CLDN22: variants seen among roughly 807,000 people sequenced by gnomAD.
The protein encoded by CLDN22 is claudin-22.
For missense variants in CLDN22, 227 were observed against 252.2 expected (o/e 0.90, Z 0.68); for synonymous variants, 86 against 107.9 (o/e 0.80, Z 1.26).
chr4:183,319,843 A>T lies in CLDN22; in HGVS notation c.376T>A (p.Ser126Thr). The T allele has an allele frequency of 6.2e-7, 1 of 1,613,960 alleles. No homozygotes were observed. Among genetic ancestry groups the T allele is most frequent in the Non-Finnish European group, 8.5e-7 (1 of 1,179,870 alleles). ...RRLLILGGIL[S>T]WASGVTALVP... ...AGGGCTGTGACTCCCGAGGCCCAGG[A>T]CAGAATTCCTCCCAGGATCAGCAGT... Residue 126 changes from serine to threonine, a missense_variant, in exon 1 of 1, where the codon TCC becomes ACC. By Grantham distance (58) the Ser-to-Thr change is moderately conservative. Coordinates refer to ENST00000323319, the MANE Select transcript of CLDN22 (RefSeq NM_001111319.3).
rs577134099 is a variant in CLDN22, at chr4:183,319,951, G to C, written c.268C>G (p.Leu90Val). 1 of 1,613,486 alleles carries C rather than the reference G, an allele frequency of 6.2e-7. No individual in the cohort carries two copies. Among genetic ancestry groups the C allele is most frequent in the Non-Finnish European group, 8.5e-7 (1 of 1,179,638 alleles). ...SRILMFLSNG[L>V]GFLGLLVSGF... ...GAGACCAGCAGGCCCAGAAATCCCA[G>C]CCCATTTGACAGAAACATTAAGATC... The change falls in exon 1 of 1, where the codon CTG becomes GTG. Residue 90 changes from leucine (L) to valine (V), a missense_variant. Coordinates refer to ENST00000323319, the MANE Select transcript of CLDN22 (RefSeq NM_001111319.3).
Position 183,318,487 on chromosome 4 carries a change from G to GTT in CLDN22, c.*1067_*1068dup, listed in dbSNP as rs34933952. On this transcript the variant is annotated 3_prime_UTR_variant, in exon 1 of 1. Coordinates refer to ENST00000323319, the MANE Select transcript of CLDN22 (RefSeq NM_001111319.3). The stretch of plus-strand genomic sequence containing the variant: ...TTTGTGGGTGGAAAAAAATTCAGTG[G>GTT]TTTTTTTTAAAAAAAAAAGCAAAAA... The GTT allele has an allele frequency of 0.056, 8,355 of 149,930 alleles. 340 individuals are homozygous for GTT. Among genetic ancestry groups the GTT allele is most frequent in the Middle Eastern group, 0.086 (25 of 292 alleles). The allele number at this position is 149,930 out of a possible 1,614,324, so 9.3% of individuals were successfully genotyped here. A position where few individuals can be genotyped will look rare whatever the true frequency, so the allele number is the denominator to read the frequency against.
Position 183,319,580 on chromosome 4 carries a change from C to T in CLDN22, c.639G>A (p.Thr213=), listed in dbSNP as rs772319025. The T allele has an allele frequency of 2.9e-5, 47 of 1,612,484 alleles. No individual in the cohort carries two copies. Among genetic ancestry groups the T allele is most frequent in the Middle Eastern group, 1.6e-4 (1 of 6,074 alleles). The change falls in exon 1 of 1, where the codon ACG becomes ACA. Residue 213 remains threonine (T), a synonymous_variant. Coordinates refer to ENST00000323319, the MANE Select transcript of CLDN22 (RefSeq NM_001111319.3). ...CTTAGTGTTTCAGGTTGGTGTTTCT[C>T]GTCTCCAGTTCTTGATGATGATCTT... ...QTQDHHQELE[T]RNTNLKH is the part of the protein sequence containing the mutation.
chr4:183,319,951 G>T lies in CLDN22; in HGVS notation c.268C>A (p.Leu90Met), dbSNP rs577134099. The change falls in exon 1 of 1, where the codon CTG becomes ATG. Residue 90 changes from leucine to methionine, a missense_variant. Transcript: ENST00000323319. Reference sequence around the variant, plus strand: ...GAGACCAGCAGGCCCAGAAATCCCAGCCCATTTGACAGAAACATTAAGATC... The same window carrying T: ...GAGACCAGCAGGCCCAGAAATCCCATCCCATTTGACAGAAACATTAAGATC... ...SRILMFLSNG[L>M]GFLGLLVSGF... The T allele has an allele frequency of 1.1e-5, 17 of 1,613,368 alleles. No homozygotes were observed. The highest frequency in any genetic ancestry group is 6.7e-5 in the Admixed American group (4 of 59,920).
In CLDN22 at chr4:183,319,072, A is replaced by G. The variant is rs537913375; in HGVS notation, c.*484T>C. 132 of 153,880 alleles carry G rather than the reference A, an allele frequency of 8.6e-4. No individual in the cohort carries two copies. Among genetic ancestry groups the G allele is most frequent in the Non-Finnish European group, 1.6e-3 (112 of 69,202 alleles). The allele number at this position is 153,880 out of a possible 1,614,324, so 9.5% of individuals were successfully genotyped here. A position where few individuals can be genotyped will look rare whatever the true frequency, so the allele number is the denominator to read the frequency against. ...ACTGAGGTCTCTGATTCAGAAGGAG[A>G]TGATGTGTCTACACCTTTCACCTCT... On this transcript the variant is annotated 3_prime_UTR_variant, in exon 1 of 1. Transcript: ENST00000323319.
Position 183,319,541 on chromosome 4 carries a change from C to T in CLDN22, c.*15G>A. On this transcript the variant is annotated 3_prime_UTR_variant, in exon 1 of 1. Coordinates refer to ENST00000323319, the MANE Select transcript of CLDN22 (RefSeq NM_001111319.3). ...GCAAGCGTCTCCTGAACAGCAGACG[C>T]TTGTCCTTTCTGGCTTAGTGTTTCA... 1.3e-6 allele frequency: 2 copies of T among 1,598,150 alleles called. No homozygotes were observed. Among genetic ancestry groups the T allele is most frequent in the Non-Finnish European group, 1.7e-6 (2 of 1,172,194 alleles).
chr4:183,320,012 G>A lies in CLDN22; in HGVS notation c.207C>T (p.Ser69=), dbSNP rs1203692622. 1 of 1,613,782 alleles carries A rather than the reference G, an allele frequency of 6.2e-7. No individual in the cohort carries two copies. The highest frequency in any genetic ancestry group is 1.3e-5 in the African/African-American group (1 of 74,866). ...EVGMQCKDFD[S]FLALPAELRV... Reference sequence around the variant, plus strand: ...TGAGTTCAGCAGGCAAAGCCAGGAAGGAGTCAAAGTCCTTGCATTGCATCC... The same window carrying A: ...TGAGTTCAGCAGGCAAAGCCAGGAAAGAGTCAAAGTCCTTGCATTGCATCC... The change falls in exon 1 of 1, where the codon TCC becomes TCT. Residue 69 remains serine (S), a synonymous_variant. Transcript: ENST00000323319.
rs1416145610 is a variant in CLDN22, at chr4:183,318,292, A to C, written c.*1264T>G. ...TGTAGCATGCAAATCAAATAAATTAAAATTTTTTGCTATTGCTTTATCTAT... is the reference window on the plus strand; with the variant it reads ...TGTAGCATGCAAATCAAATAAATTACAATTTTTTGCTATTGCTTTATCTAT... On this transcript the variant is annotated 3_prime_UTR_variant, in exon 1 of 1. Coordinates refer to ENST00000323319, the MANE Select transcript of CLDN22 (RefSeq NM_001111319.3). 2.0e-5 allele frequency: 3 copies of C among 152,622 alleles called. No individual in the cohort carries two copies. Among genetic ancestry groups the C allele is most frequent in the Non-Finnish European group, 4.4e-5 (3 of 68,032 alleles). 9.5% of individuals were successfully genotyped at this position (152,622 alleles called of 1,614,324 possible).
In CLDN22 at chr4:183,320,068, A is replaced by G. The variant is rs1248383534; in HGVS notation, c.151T>C (p.Trp51Arg). The change falls in exon 1 of 1, where the codon TGG (tryptophan) becomes CGG (arginine). Residue 51 changes from tryptophan to arginine, a missense_variant. Coordinates refer to ENST00000323319, the MANE Select transcript of CLDN22 (RefSeq NM_001111319.3). ...NEMENWTMGL[W>R]QTCVIQEEVG... is the part of the protein sequence containing the mutation. ...TCCTCTTGGATGACACAGGTTTGCC[A>G]GAGTCCCATGGTCCAGTTTTCCATT... 6.2e-7 allele frequency: 1 copy of G among 1,614,148 alleles called. No homozygotes were observed. The highest frequency in any genetic ancestry group is 8.5e-7 in the Non-Finnish European group (1 of 1,180,028).
chr4:183,319,563 T>A lies in CLDN22; in HGVS notation c.656A>T (p.Lys219Ile), dbSNP rs964556368. ...QELETRNTNLKH is the reference protein window; with the variant it reads ...QELETRNTNLIH The stretch of plus-strand genomic sequence containing the variant: ...ACGCTTGTCCTTTCTGGCTTAGTGT[T>A]TCAGGTTGGTGTTTCTCGTCTCCAG... Residue 219 changes from lysine to isoleucine, a missense_variant, in exon 1 of 1, where the codon AAA (lysine) becomes ATA (isoleucine). Coordinates refer to ENST00000323319, the MANE Select transcript of CLDN22 (RefSeq NM_001111319.3). 1 of 1,609,784 alleles carries A rather than the reference T, an allele frequency of 6.2e-7. No homozygotes were observed. Among genetic ancestry groups the A allele is most frequent in the African/African-American group, 1.3e-5 (1 of 74,734 alleles).
rs894014788 is a variant in CLDN22, at chr4:183,320,024, C to T, written c.195G>A (p.Lys65=). The T allele has an allele frequency of 1.2e-6, 2 of 1,613,882 alleles. No homozygotes were observed. Among genetic ancestry groups the T allele is most frequent in the African/African-American group, 2.7e-5 (2 of 74,900 alleles). The change falls in exon 1 of 1, where the codon AAG becomes AAA. Residue 65 remains lysine, a synonymous_variant. Coordinates refer to ENST00000323319, the MANE Select transcript of CLDN22 (RefSeq NM_001111319.3). ...VIQEEVGMQC[K]DFDSFLALPA... is the part of the protein sequence containing the mutation. ...GCAAAGCCAGGAAGGAGTCAAAGTC[C>T]TTGCATTGCATCCCCACTTCCTCTT...
Position 183,319,267 on chromosome 4 carries a change from A to G in CLDN22, c.*289T>C, listed in dbSNP as rs543185073. On this transcript the variant is annotated 3_prime_UTR_variant, in exon 1 of 1. Transcript: ENST00000323319. ...ATATGAATAATACCTTCAAAGATAC[A>G]TAGAGATTAATGTTTTATTTACCAC... The G allele has an allele frequency of 1.3e-5, 4 of 313,826 alleles. No individual in the cohort carries two copies. The highest frequency in any genetic ancestry group is 6.3e-5 in the African/African-American group (3 of 47,260). 19.4% of individuals were successfully genotyped at this position (313,826 alleles called of 1,614,324 possible). A position where few individuals can be genotyped will look rare whatever the true frequency, so the allele number is the denominator to read the frequency against.
chr4:183,319,426 G>T lies in CLDN22; in HGVS notation c.*130C>A. 1 of 1,028,402 alleles carries T rather than the reference G, an allele frequency of 9.7e-7. No homozygotes were observed. The highest frequency in any genetic ancestry group is 1.4e-6 in the Non-Finnish European group (1 of 700,698). 63.7% of individuals were successfully genotyped at this position (1,028,402 alleles called of 1,614,324 possible). A position where few individuals can be genotyped will look rare whatever the true frequency, so the allele number is the denominator to read the frequency against. The stretch of plus-strand genomic sequence containing the variant: ...TTACCAGTCTTGGAAAGAAACTATA[G>T]TTTAATAGCCACAGGAAAAGATGCA... On this transcript the variant is annotated 3_prime_UTR_variant, in exon 1 of 1. Transcript: ENST00000323319.
chr4:183,319,517 C>A lies in CLDN22; in HGVS notation c.*39G>T. 1.3e-6 allele frequency: 2 copies of A among 1,546,016 alleles called. No individual in the cohort carries two copies. Among genetic ancestry groups the A allele is most frequent in the South Asian group, 1.3e-5 (1 of 79,064 alleles). On this transcript the variant is annotated 3_prime_UTR_variant, in exon 1 of 1. Coordinates refer to ENST00000323319, the MANE Select transcript of CLDN22 (RefSeq NM_001111319.3). ...ACATCCTACCAAATCCAGTGTTGAGCAAGCGTCTCCTGAACAGCAGACGCT... is the reference window on the plus strand; with the variant it reads ...ACATCCTACCAAATCCAGTGTTGAGAAAGCGTCTCCTGAACAGCAGACGCT...
In CLDN22 at chr4:183,319,123, T is replaced by C. The variant is rs755139832; in HGVS notation, c.*433A>G. 1.2e-5 allele frequency: 2 copies of C among 160,182 alleles called. No individual in the cohort carries two copies. The allele number at this position is 160,182 out of a possible 1,614,324, so 9.9% of individuals were successfully genotyped here. On this transcript the variant is annotated 3_prime_UTR_variant, in exon 1 of 1. Transcript: ENST00000323319. ...GAAGCTTCTAAAGAGCTAGTAATTA[T>C]TTTATATAATAAGACGTCATGCATT...
rs1281800937 is a variant in CLDN22, at chr4:183,318,105, T to G, written c.*1451A>C. 6.6e-6 allele frequency: 1 copy of G among 152,228 alleles called. No homozygotes were observed. Among genetic ancestry groups the G allele is most frequent in the Non-Finnish European group, 1.5e-5 (1 of 68,024 alleles). The allele number at this position is 152,228 out of a possible 1,614,324, so 9.4% of individuals were successfully genotyped here. Reference sequence around the variant, plus strand: ...AATTTTAATATTATAAATACTATTTTTAAAAGGTAGAATTTATTCGCACAG... The same window carrying G: ...AATTTTAATATTATAAATACTATTTGTAAAAGGTAGAATTTATTCGCACAG... On this transcript the variant is annotated 3_prime_UTR_variant, in exon 1 of 1. Coordinates refer to ENST00000323319, the MANE Select transcript of CLDN22 (RefSeq NM_001111319.3).
In CLDN22 at chr4:183,319,508, A is replaced by G; in HGVS notation, c.*48T>C. ...TAGAGCGGGACATCCTACCAAATCC[A>G]GTGTTGAGCAAGCGTCTCCTGAACA... On this transcript the variant is annotated 3_prime_UTR_variant, in exon 1 of 1. Transcript: ENST00000323319. 3 of 1,521,718 alleles carry G rather than the reference A, an allele frequency of 2.0e-6. No individual in the cohort carries two copies. Among genetic ancestry groups the G allele is most frequent in the South Asian group, 2.6e-5 (2 of 76,996 alleles). The allele number at this position is 1,521,718 out of a possible 1,614,324, so 94.3% of individuals were successfully genotyped here.
chr4:183,319,757 T>A lies in CLDN22; in HGVS notation c.462A>T (p.Pro154=). Reference sequence around the variant, plus strand: ...CAAACTCCCACCTGGGGACAAAGTCTGGGACGTTCTCATCCCAGAACTCCT... The same window carrying A: ...CAAACTCCCACCTGGGGACAAAGTCAGGGACGTTCTCATCCCAGAACTCCT... ...TVQEFWDENV[P]DFVPRWEFGE... Residue 154 remains proline, a synonymous_variant, in exon 1 of 1, where the codon CCA becomes CCT. Transcript: ENST00000323319. 1 of 1,613,976 alleles carries A rather than the reference T, an allele frequency of 6.2e-7. No individual in the cohort carries two copies. The highest frequency in any genetic ancestry group is 8.5e-7 in the Non-Finnish European group (1 of 1,179,910).
Position 183,319,842 on chromosome 4 carries a change from G to A in CLDN22, c.377C>T (p.Ser126Phe), listed in dbSNP as rs1739577072. The change falls in exon 1 of 1, where the codon TCC becomes TTC. Residue 126 changes from serine (S) to phenylalanine (F), a missense_variant. Transcript: ENST00000323319. The stretch of plus-strand genomic sequence containing the variant: ...CAGGGCTGTGACTCCCGAGGCCCAG[G>A]ACAGAATTCCTCCCAGGATCAGCAG... ...RRLLILGGIL[S>F]WASGVTALVP... is the part of the protein sequence containing the mutation. 6.2e-7 allele frequency: 1 copy of A among 1,613,824 alleles called. No individual in the cohort carries two copies. Among genetic ancestry groups the A allele is most frequent in the Non-Finnish European group, 8.5e-7 (1 of 1,179,888 alleles).
Sources: allele counts gnomAD v4.1 joint callset, GRCh38; gene constraint gnomAD v4.1.1; transcripts MANE v1.5; gene names NCBI Gene and HGNC (gene_info 2026-07-23, HGNC 2026-07-21).